The following LRRCC1 variants were observed in gnomAD, a reference collection of about 807,000 sequenced individuals.
The protein encoded by LRRCC1 is leucine-rich repeat and coiled-coil domain-containing protein 1.
LRRCC1 carries 115 observed loss-of-function variants against 126.0 expected under a neutral mutation model. The ratio of observed to expected loss-of-function variants is 0.91; its 90% CI spans 0.78 to 1.07. LRRCC1 has a LOEUF of 1.07. LRRCC1 is among the 50% of genes least tolerant of loss of function. The pLI is 0.00. For synonymous variants in LRRCC1, 400 were observed against 393.4 expected, an observed-to-expected ratio of 1.02 and a Z score of -0.20; for missense variants, 1,172 against 1,175.7, an observed-to-expected ratio of 1.00 and a Z score of 0.05.
In LRRCC1 at chr8:85,129,280, A is replaced by G. The variant is rs756057055; in HGVS notation, c.1527A>G (p.Lys509=). The G allele has an allele frequency of 3.1e-6, 5 of 1,613,730 alleles. No homozygotes were observed. The East Asian group carries it at 1.1e-4, about 36-fold the overall frequency. The change falls in exon 10 of 19, where the codon AAA becomes AAG. Residue 509 remains lysine, a synonymous_variant. Transcript: ENST00000360375. Reference sequence around the variant, plus strand: ...AAAAACTGACTGTTGAACTAATGAAAGCAAAAGATCAACAAGAGGATCACC... The same window carrying G: ...AAAAACTGACTGTTGAACTAATGAAGGCAAAAGATCAACAAGAGGATCACC... ...EIKKLTVELM[K]AKDQQEDHLK...
chr8:85,110,352 A>G lies in LRRCC1; in HGVS notation c.376+172A>G, dbSNP rs115812149. Among the ~76,000 whole-genome samples, 1,208 of 152,336 alleles carry G rather than the reference A, an allele frequency of 7.9e-3. 16 individuals carry two copies. Among genetic ancestry groups the G allele is most frequent in the African/African-American group, 0.027 (1,111 of 41,580 alleles). On this transcript the variant is annotated intron_variant, in intron 3 of 18. Transcript: ENST00000360375. ...ATTCTATTTTGTTGGTACCAAAACC[A>G]CAGCTGAGTACAAAATAGAAGTTAA...
intron 3 of LRRCC1, among the ~76,000 whole-genome samples, chr8:85,112,150 G>A (rs186111629): frequency 1.2e-4 from 18 of 152,168 alleles, no homozygotes; most frequent in Admixed American, 1.0e-3. Context: ...TCTTGAGCCT[G>A]TACTGGCTAT....
Position 85,135,828 on chromosome 8 carries a change from A to C in LRRCC1, c.2194A>C (p.Lys732Gln). Residue 732 changes from lysine (K) to glutamine (Q), a missense_variant, in exon 14 of 19, where the codon AAG becomes CAG. Lys to Gln is a moderately conservative substitution (Grantham distance 53). Coordinates refer to ENST00000360375, the MANE Select transcript of LRRCC1 (RefSeq NM_033402.5). The stretch of plus-strand genomic sequence containing the variant: ...CCTTGAAATTTTAATTGAAGATGAC[A>C]AGCAGAAGAGTATTCAAATAGAACT... ...NTLEILIEDDKQKSIQIELLK... is the reference protein window; with the variant it reads ...NTLEILIEDDQQKSIQIELLK... The C allele has an allele frequency of 1.9e-6, 3 of 1,577,696 alleles. No individual in the cohort carries two copies. The highest frequency in any genetic ancestry group is 1.2e-5 in the South Asian group (1 of 83,254).
At chr8:85,115,010 G>A (rs1399037729) in intron 4 of LRRCC1, 90 bp from the exon 5 acceptor site, 16 of 957,692 alleles carry the variant, frequency 1.7e-5, no homozygotes, top group Admixed American at 7.7e-5. Flanking sequence ...TCCGGGTGAT[G>A]TATCTGGTAG....
rs1296048188 is a variant in LRRCC1 at position 85,123,820 on chromosome 8, A to G, written c.1124+214A>G. On this transcript the variant is annotated intron_variant, in intron 7 of 18. Coordinates refer to ENST00000360375, the MANE Select transcript of LRRCC1 (RefSeq NM_033402.5). ...TGTACCTAAGTTGCAAAATTAATGT[A>G]TAAACCTGAAGATATCTCATACTAT... Among the ~76,000 whole-genome samples the G allele has an allele frequency of 2.6e-5, 4 of 152,186 alleles. No individual in the cohort carries two copies. The East Asian group carries it at 7.7e-4, about 29-fold the overall frequency.
Position 85,112,243 on chromosome 8 carries a change from A to G in LRRCC1, c.377-689A>G, listed in dbSNP as rs1190892105. Among the ~76,000 whole-genome samples the G allele has an allele frequency of 2.6e-5, 4 of 152,174 alleles. No homozygotes were observed. In the East Asian group the frequency reaches 5.8e-4, roughly 22 times the overall value. ...TAATTGTGCAGTCTGACTCTTAGGTATTTACCAAAGAGAAATTAAAATGTG... is the reference window on the plus strand; with the variant it reads ...TAATTGTGCAGTCTGACTCTTAGGTGTTTACCAAAGAGAAATTAAAATGTG... On this transcript the variant is annotated intron_variant, in intron 3 of 18. Coordinates refer to ENST00000360375, the MANE Select transcript of LRRCC1 (RefSeq NM_033402.5).
Position 85,138,069 on chromosome 8 carries a change from T to C in LRRCC1, c.2528T>C (p.Leu843Ser). The C allele has an allele frequency of 6.3e-7, 1 of 1,589,318 alleles. No individual in the cohort carries two copies. The highest frequency in any genetic ancestry group is 8.6e-7 in the Non-Finnish European group (1 of 1,168,036). ...LQEKDEHIKR[L>S]QEKITEIEKC... ...GAAAAAGATGAACACATCAAAAGAT[T>C]ACAAGAAAAGATCACAGAAATAGAA... is the stretch of plus-strand genomic sequence containing the variant. The change falls in exon 16 of 19, where the codon TTA becomes TCA. Residue 843 changes from leucine (L) to serine (S), a missense_variant. Coordinates refer to ENST00000360375, the MANE Select transcript of LRRCC1 (RefSeq NM_033402.5).
intron 2 of LRRCC1, 151 bp from the exon 3 acceptor site, chr8:85,109,964 T>C: frequency 1.7e-6 from 1 of 605,150 alleles, no homozygotes; most frequent in Non-Finnish European, 2.8e-6. Context: ...TTAAAAATTC[T>C]GTTTTTTCTA....
rs1808303020 is a variant in LRRCC1 at position 85,107,281 on chromosome 8, C to G, written c.-15C>G. The G allele has an allele frequency of 6.2e-7, 1 of 1,604,588 alleles. No individual in the cohort carries two copies. Among genetic ancestry groups the G allele is most frequent in the Non-Finnish European group, 8.5e-7 (1 of 1,175,228 alleles). ...CTGGGTGCCGGTTAAGACCCCGCTC[C>G]CCGTCGCCAGTGCTATGGAGGCGGC... On this transcript the variant is annotated 5_prime_UTR_variant, in exon 1 of 19. Coordinates refer to ENST00000360375, the MANE Select transcript of LRRCC1 (RefSeq NM_033402.5).
chr8:85,136,677 ATAT>A (rs138063579), intron 14 of LRRCC1, among the ~76,000 whole-genome samples: 1,620 of 152,338 alleles, frequency 0.011, 33 homozygotes, highest in African/African-American at 0.037. Context: ...ACAAATTAAA[ATAT>A]TATATAAATG....
At chr8:85,107,455 C>A in intron 1 of LRRCC1, 56 bp downstream of exon 1, 1 of 1,451,380 alleles carries the variant, frequency 6.9e-7, no homozygotes, top group Non-Finnish European at 9.4e-7. Flanking sequence ...GCCGGGGCCA[C>A]GAGTGGCTGG....
rs1172776644 is a variant in LRRCC1, at chr8:85,124,899, T to A, written c.1232T>A (p.Ile411Asn). Residue 411 changes from isoleucine to asparagine, a missense_variant, in exon 8 of 19, where the codon ATT becomes AAT. Physicochemically the swap from Ile to Asn is moderately radical, Grantham distance 149. Transcript: ENST00000360375. ...QESEKPKTEI[I>N]KVDQSHSEDN... ...TCAGAAAAGCCAAAGACTGAAATAA[T>A]TAAAGTAGACCAAAGTCACTCAGAA... is the stretch of plus-strand genomic sequence containing the variant. The A allele has an allele frequency of 1.2e-6, 2 of 1,607,936 alleles. No individual in the cohort carries two copies. The highest frequency in any genetic ancestry group is 1.7e-6 in the Non-Finnish European group (2 of 1,177,300).
chr8:85,141,856 A>C (rs1811275355), intron 18 of LRRCC1, among the ~76,000 whole-genome samples: 1 of 152,176 alleles, frequency 6.6e-6, no homozygotes, highest in South Asian at 2.1e-4. Context: ...ATTAAACATA[A>C]TCCATCACCA....
intron 6 of LRRCC1, among the ~76,000 whole-genome samples, chr8:85,118,186 T>C (rs1809265214): frequency 1.3e-5 from 2 of 152,106 alleles, no homozygotes; most frequent in South Asian, 4.1e-4. Flanking sequence ...TAAAAATTAA[T>C]CCATGCTATT....
At chr8:85,126,571 T>C (rs996278179) in intron 8 of LRRCC1, 118 bp from the exon 9 acceptor site, 15 of 808,204 alleles carry the variant, frequency 1.9e-5, no homozygotes, top group Non-Finnish European at 2.6e-5. Context: ...AAATAAAAAG[T>C]TTCACTGTAG....
chr8:85,131,868 C>T lies in LRRCC1; in HGVS notation c.1875C>T (p.Tyr625=). ...AGCATGAGCAAATGATAAAAGAATA[C>T]CAAGAGAAAATTGACGTGTTAAGCC... ...EKKHEQMIKE[Y]QEKIDVLSQQ... Residue 625 remains tyrosine, a synonymous_variant, in exon 12 of 19, where the codon TAC becomes TAT. Coordinates refer to ENST00000360375, the MANE Select transcript of LRRCC1 (RefSeq NM_033402.5). 6.2e-7 allele frequency: 1 copy of T among 1,613,620 alleles called. No homozygotes were observed. Among genetic ancestry groups the T allele is most frequent in the Non-Finnish European group, 8.5e-7 (1 of 1,179,772 alleles).
chr8:85,144,472 ATATTT>A (rs1563963680), intron 18 of LRRCC1, among the ~76,000 whole-genome samples: 12 of 30,060 alleles, frequency 4.0e-4, no homozygotes, highest in Admixed American at 1.1e-3. Context: ...ATATATATAT[ATATTT>A]TTTTTTTTTT....
At chr8:85,112,150 G>C (rs186111629) in intron 3 of LRRCC1, among the ~76,000 whole-genome samples, 2 of 152,050 alleles carry the variant, frequency 1.3e-5, no homozygotes, top group Non-Finnish European at 2.9e-5. Context: ...TCTTGAGCCT[G>C]TACTGGCTAT....
rs1337817024 is a variant in LRRCC1 at position 85,124,937 on chromosome 8, C to T, written c.1270C>T (p.Gln424Ter). ...AAGTCACTCAGAAGACAACACTTACCAGGTATGATTTAAGAGTTAAAGAAA... is the reference window on the plus strand; with the variant it reads ...AAGTCACTCAGAAGACAACACTTACTAGGTATGATTTAAGAGTTAAAGAAA... Reference protein sequence around the residue: ...DQSHSEDNTYQSLVEQLDQER... With the variant: ...DQSHSEDNTY Residue 424 changes from glutamine to a stop codon, truncating the protein, a stop_gained and splice_region_variant, in exon 8 of 19, where the codon CAG (glutamine) becomes TAG (stop). Transcript: ENST00000360375. LOFTEE classifies it high-confidence loss of function. The T allele has an allele frequency of 6.3e-7, 1 of 1,582,220 alleles. No individual in the cohort carries two copies. Among genetic ancestry groups the T allele is most frequent in the African/African-American group, 1.4e-5 (1 of 72,988 alleles).
Sources: gnomAD v4.1 joint callset for allele counts (sites outside exome capture counted in the v4.1 genomes callset) on GRCh38, gnomAD v4.1.1 for gene constraint, MANE v1.5 for transcripts, NCBI Gene and HGNC (gene_info 2026-07-23, HGNC 2026-07-21) for gene names.